MAPK4: variants seen among roughly 807,000 people sequenced by gnomAD.
The protein encoded by MAPK4 is Erk3-related.
In MAPK4, 22 loss-of-function variants were observed where a neutral mutation model predicts 47.7. The observed-to-expected ratio is 0.46, with a 90% CI of 0.33 to 0.66. The LOEUF (loss-of-function observed/expected upper bound fraction) is 0.66, where lower values mean the gene tolerates loss of function less well. Among genes scored for constraint, MAPK4 ranks in the 30% least tolerant of loss-of-function variants. The pLI, the probability that MAPK4 is intolerant of heterozygous loss-of-function variation, is 0.02. For missense variants in MAPK4, 736 were observed against 831.7 expected, an observed-to-expected ratio of 0.88 and a Z score of 1.42; for synonymous variants, 390 against 365.7, an observed-to-expected ratio of 1.07 and a Z score of -0.76.
chr18:50,642,019 A>T (rs546097805), intron 1 of MAPK4, among the ~76,000 whole-genome samples: 83 of 152,354 alleles, frequency 5.4e-4, no homozygotes, highest in South Asian at 1.9e-3. Flanking sequence ...TTTTACATGT[A>T]AAACAAAATA....
At chr18:50,645,338 A>T (rs1375310073) in intron 1 of MAPK4, among the ~76,000 whole-genome samples, 3 of 152,176 alleles carry the variant, frequency 2.0e-5, no homozygotes, top group African/African-American at 2.4e-5. Flanking sequence ...GCGATTAAAG[A>T]TAAGAGGTGA....
intron 1 of MAPK4, among the ~76,000 whole-genome samples, chr18:50,607,694 T>C (rs2042594293): frequency 6.6e-6 from 1 of 152,232 alleles, no homozygotes; most frequent in South Asian, 2.1e-4. Context: ...CCCATGTATT[T>C]CCATCAGTCA....
intron 1 of MAPK4, among the ~76,000 whole-genome samples, chr18:50,655,404 G>T (rs1035725397): frequency 6.6e-6 from 1 of 151,998 alleles, no homozygotes; most frequent in Admixed American, 6.5e-5. Flanking sequence ...GCATGAGAGA[G>T]GAACAGGCAT....
intron 2 of MAPK4, among the ~76,000 whole-genome samples, chr18:50,694,846 C>G (rs1232421295): frequency 1.3e-5 from 2 of 152,230 alleles, no homozygotes; most frequent in Admixed American, 6.5e-5. Context: ...TACTCCATCA[C>G]CACTGTCACC....
intron 2 of MAPK4, among the ~76,000 whole-genome samples, chr18:50,673,860 A>T (rs1381987756): frequency 1.3e-5 from 2 of 152,250 alleles, no homozygotes; most frequent in African/African-American, 2.4e-5. Flanking sequence ...CGTCTCAAAA[A>T]AAACAAAAAT....
At chr18:50,652,986 A>T (rs1002160880) in intron 1 of MAPK4, among the ~76,000 whole-genome samples, 7 of 152,124 alleles carry the variant, frequency 4.6e-5, no homozygotes, top group African/African-American at 1.7e-4. Flanking sequence ...GTTCGAGACC[A>T]GCCTGGGTAA....
At chr18:50,623,890 G>A (rs1172135680) in intron 1 of MAPK4, among the ~76,000 whole-genome samples, 1 of 152,234 alleles carries the variant, frequency 6.6e-6, no homozygotes, top group Non-Finnish European at 1.5e-5. Context: ...AATACACCAA[G>A]TGTGTTCTGC....
chr18:50,683,850 G>T (rs1011236255), intron 2 of MAPK4, among the ~76,000 whole-genome samples: 1 of 152,116 alleles, frequency 6.6e-6, no homozygotes, highest in Non-Finnish European at 1.5e-5. Flanking sequence ...GTGGCATGGC[G>T]CTGGAGTCCA....
At position 50,660,620 on chromosome 18, in the gene MAPK4, C is replaced by T. The variant is rs909766707; in HGVS notation, c.-870-2469C>T. Among the ~76,000 whole-genome samples the T allele has an allele frequency of 4.6e-5, 7 of 152,266 alleles. No homozygotes were observed. In the South Asian group the frequency reaches 1.0e-3, roughly 23 times the overall value. The stretch of plus-strand genomic sequence containing the variant: ...AATGTATGGTAAATGCCAAACACAG[C>T]GTACACATGAGTGCCACAGGAGTTT... On this transcript the variant is annotated intron_variant, in intron 1 of 5. Coordinates refer to ENST00000400384, the MANE Select transcript of MAPK4 (RefSeq NM_002747.4).
At chr18:50,693,703 G>T (rs1006787069) in intron 2 of MAPK4, among the ~76,000 whole-genome samples, 1 of 152,184 alleles carries the variant, frequency 6.6e-6, no homozygotes, top group Non-Finnish European at 1.5e-5. Flanking sequence ...CTTTCCGTGG[G>T]TTTGTTTCCA....
chr18:50,684,990 T>C (rs1280224897), intron 2 of MAPK4, among the ~76,000 whole-genome samples: 1 of 152,174 alleles, frequency 6.6e-6, no homozygotes, highest in African/African-American at 2.4e-5. Context: ...CACCCCTTCT[T>C]GTTTTCCTGT....
At chr18:50,615,524 T>G (rs549722246) in intron 1 of MAPK4, among the ~76,000 whole-genome samples, 1 of 152,242 alleles carries the variant, frequency 6.6e-6, no homozygotes, top group Admixed American at 6.5e-5. Flanking sequence ...ATGCCCCTCT[T>G]TTTCCAGACC....
chr18:50,717,032 G>A (rs942549937), intron 3 of MAPK4, among the ~76,000 whole-genome samples: 1 of 152,126 alleles, frequency 6.6e-6, no homozygotes, highest in South Asian at 2.1e-4. Context: ...CACTGAGGCT[G>A]TTGGCACCTA....
chr18:50,567,003 G>A (rs1194639874), intron 1 of MAPK4, among the ~76,000 whole-genome samples: 2 of 151,606 alleles, frequency 1.3e-5, no homozygotes, highest in South Asian at 2.1e-4. Context: ...AATAAACAAT[G>A]TATGTGTTAT....
At chr18:50,708,025 A>G (rs1416825319) in intron 2 of MAPK4, among the ~76,000 whole-genome samples, 1 of 152,246 alleles carries the variant, frequency 6.6e-6, no homozygotes, top group East Asian at 1.9e-4. Flanking sequence ...TTAGCTGCGT[A>G]ATAGAACGTG....
chr18:50,663,056 G>A (rs138654320), intron 1 of MAPK4, 33 bp from the exon 2 acceptor site: 1 of 152,376 alleles, frequency 6.6e-6, no homozygotes, highest in African/African-American at 2.4e-5. Flanking sequence ...AAGCCGGAGT[G>A]TGGAAATTTA....
chr18:50,630,812 T>A (rs1359039569), intron 1 of MAPK4, among the ~76,000 whole-genome samples: 1 of 152,154 alleles, frequency 6.6e-6, no homozygotes, highest in Non-Finnish European at 1.5e-5. Flanking sequence ...AACCAGCCTC[T>A]CTCCCTGAAT....
chr18:50,639,903 C>T (rs984124182), intron 1 of MAPK4, among the ~76,000 whole-genome samples: 1 of 152,208 alleles, frequency 6.6e-6, no homozygotes, highest in South Asian at 2.1e-4. Flanking sequence ...ATACTCTTCG[C>T]TCGTTAATAA....
At chr18:50,719,280 C>G (rs1021256259) in intron 3 of MAPK4, among the ~76,000 whole-genome samples, 1 of 151,806 alleles carries the variant, frequency 6.6e-6, no homozygotes, top group Non-Finnish European at 1.5e-5. Context: ...GCTGGGGATA[C>G]AAGTCTGAGT....
Sources: allele counts gnomAD v4.1 joint callset (sites outside exome capture counted in the v4.1 genomes callset), GRCh38; gene constraint gnomAD v4.1.1; transcripts MANE v1.5; gene names NCBI Gene and HGNC (gene_info 2026-07-23, HGNC 2026-07-21).